The following GIPC1 variants were observed in gnomAD, a reference collection of about 807,000 sequenced individuals.
GIPC1 encodes PDZ domain-containing protein GIPC1.
Under a neutral mutation model 28.5 loss-of-function variants are expected in GIPC1, and 15 were observed. The observed-to-expected ratio is 0.53, with a 90% CI of 0.35 to 0.81. The LOEUF is 0.81. Among genes scored for constraint, GIPC1 ranks in the 30% least tolerant of loss-of-function variants. The pLI, the probability that GIPC1 is intolerant of heterozygous loss-of-function variation, is 0.01. For synonymous variants in GIPC1, 224 were observed against 206.1 expected (o/e 1.09, Z -0.74); for missense variants, 439 against 481.9 (o/e 0.91, Z 0.83).
chr19:14,484,154 T>C (rs548698801), intron 3 of GIPC1, among the ~76,000 whole-genome samples: 1 of 139,406 alleles, frequency 7.2e-6, no homozygotes, highest in African/African-American at 2.8e-5. Context: ...TTTTTGAGAC[T>C]GAGTCTCACT....
At position 14,478,860 on chromosome 19, in the gene GIPC1, G is replaced by A. The variant is rs903988694; in HGVS notation, c.769-95C>T. 1.6e-5 allele frequency: 15 copies of A among 946,952 alleles called. No homozygotes were observed. The highest frequency in any genetic ancestry group is 2.2e-4 in the Middle Eastern group (1 of 4,626). 58.7% of individuals were successfully genotyped at this position (946,952 alleles called of 1,614,324 possible). ...CATTGTCACCACTTTACATATATTC[G>A]TATTTAGACCTCAGGACAACCCTGA... On this transcript the variant is annotated intron_variant, in intron 7 of 8. Transcript: ENST00000393033. This position sits in a 1 kb window ranked among gnomAD's most constrained non-coding sequence, Gnocchi z 5.2.
chr19:14,486,951 CTCTT>C (rs2071858852), intron 3 of GIPC1, among the ~76,000 whole-genome samples: 1 of 151,626 alleles, frequency 6.6e-6, no homozygotes, highest in Non-Finnish European at 1.5e-5. Context: ...CTTTATTTCT[CTCTT>C]TCTCCATTCT....
chr19:14,488,669 G>C (rs1228806679), intron 3 of GIPC1, among the ~76,000 whole-genome samples: 1 of 151,548 alleles, frequency 6.6e-6, no homozygotes, highest in East Asian at 1.9e-4. Flanking sequence ...GCTGGGCGTA[G>C]TGGTGCATGC....
chr19:14,486,703 T>G (rs112557258), intron 3 of GIPC1, among the ~76,000 whole-genome samples: 2,394 of 133,362 alleles, frequency 0.018, 39 homozygotes, highest in African/African-American at 0.048. Context: ...TTTCTTGCTT[T>G]CTTTCTTTCT....
intron 3 of GIPC1, among the ~76,000 whole-genome samples, chr19:14,489,838 G>A (rs1408300969): frequency 6.6e-6 from 1 of 151,582 alleles, no homozygotes; most frequent in Non-Finnish European, 1.5e-5. Flanking sequence ...GATTTCAAAG[G>A]GTTTTATGTA....
In GIPC1 at chr19:14,496,048, C is replaced by T. The variant is rs868235859; in HGVS notation, c.-186G>A. ...CAGAGGCCACTCACCTGCTCCGCCG[C>T]CGCCGCCGCCGCCGCCGCCGCCGCC... is the stretch of plus-strand genomic sequence containing the variant. On this transcript the variant is annotated 5_prime_UTR_variant, in exon 1 of 9. Coordinates refer to ENST00000393033, the MANE Select transcript of GIPC1 (RefSeq NM_005716.4). 0.021 allele frequency: 5,022 copies of T among 241,104 alleles called. 94 individuals are homozygous for T. The highest frequency in any genetic ancestry group is 0.052 in the East Asian group (454 of 8,812). The allele number at this position is 241,104 out of a possible 1,614,324, so 14.9% of individuals were successfully genotyped here.
intron 2 of GIPC1, among the ~76,000 whole-genome samples, chr19:14,492,446 A>G (rs887144510): frequency 6.6e-6 from 1 of 151,912 alleles, no homozygotes; most frequent in African/African-American, 2.4e-5. Context: ...AGCTGGGACT[A>G]CAGGTGCCCG....
intron 5 of GIPC1, 52 bp from the exon 6 acceptor site, chr19:14,480,537 G>A: frequency 6.2e-7 from 1 of 1,604,432 alleles, no homozygotes; most frequent in South Asian, 1.1e-5. Flanking sequence ...GGTTTCCGGG[G>A]TCCCATGGCC....
chr19:14,480,943 G>A (rs1456818859), intron 4 of GIPC1, 165 bp from the exon 5 acceptor site: 7 of 602,798 alleles, frequency 1.2e-5, no homozygotes, highest in South Asian at 4.0e-5. Flanking sequence ...CCACATTAGC[G>A]TGTCAGCTCT....
rs1283176701 is a variant in GIPC1 at position 14,478,745 on chromosome 19, C to T, written c.789G>A (p.Lys263=). The change falls in exon 8 of 9, where the codon AAG becomes AAA. Residue 263 remains lysine, a synonymous_variant. Transcript: ENST00000393033. The surrounding 1 kb of genome is among the most constrained non-coding windows in gnomAD (Gnocchi z 5.2). ...GCAGGTCATCCACCTTCTCAATGGC[C>T]TTCTCTTCAAAGGCAGAGGGCTGGG... ...VEDLPSAFEE[K]AIEKVDDLLE... is the part of the protein sequence containing the mutation. The T allele has an allele frequency of 6.2e-7, 1 of 1,613,166 alleles. No homozygotes were observed. The highest frequency in any genetic ancestry group is 1.3e-5 in the African/African-American group (1 of 74,818).
At chr19:14,482,558 C>T in intron 4 of GIPC1, 131 bp downstream of exon 4, 1 of 898,518 alleles carries the variant, frequency 1.1e-6, no homozygotes, top group South Asian at 1.6e-5. Context: ...GCCATTGGCC[C>T]CCACCACTGA....
At chr19:14,482,023 C>G (rs2071740129) in intron 4 of GIPC1, 1 of 154,280 alleles carries the variant, frequency 6.5e-6, no homozygotes, top group Admixed American at 6.4e-5. Flanking sequence ...GCACTGGCCT[C>G]CCAATGCCTG....
chr19:14,494,165 G>C (rs1470351550), intron 1 of GIPC1, among the ~76,000 whole-genome samples: 1 of 152,084 alleles, frequency 6.6e-6, no homozygotes, highest in African/African-American at 2.4e-5. Flanking sequence ...TCACCATGTT[G>C]ATCAGGCTGG....
At chr19:14,489,659 T>C (rs2071923390) in intron 3 of GIPC1, 1 of 861,504 alleles carries the variant, frequency 1.2e-6, no homozygotes, top group Admixed American at 1.7e-5. Context: ...CCTCTCTCCA[T>C]AGGGCCTGTT....
chr19:14,479,517 GA>G lies in GIPC1; in HGVS notation c.662del (p.Ile221ThrfsTer145). 1 of 1,437,474 alleles carries G rather than the reference GA, an allele frequency of 7.0e-7. No homozygotes were observed. The highest frequency in any genetic ancestry group is 9.1e-7 in the Non-Finnish European group (1 of 1,096,080). The allele number at this position is 1,437,474 out of a possible 1,614,324, so 89.0% of individuals were successfully genotyped here. A position where few individuals can be genotyped will look rare whatever the true frequency, so the allele number is the denominator to read the frequency against. ...GGCGGCCACCCGCTGAACGCTGGCT[GA>G]TCATGTCTGTGGGAGGCAGGAGAGG... is the stretch of plus-strand genomic sequence containing the variant. ...LTEPRKAFDM[I>X]SQRSAGGRPG... On this transcript the variant is annotated frameshift_variant, in exon 7 of 9. Coordinates refer to ENST00000393033, the MANE Select transcript of GIPC1 (RefSeq NM_005716.4). LOFTEE classifies it high-confidence loss of function.
chr19:14,490,227 A>G (rs891767350), intron 3 of GIPC1, among the ~76,000 whole-genome samples: 3 of 151,998 alleles, frequency 2.0e-5, no homozygotes, highest in Non-Finnish European at 2.9e-5. Flanking sequence ...TAGGCCAGGC[A>G]CGGTGGTGGG....
intron 3 of GIPC1, among the ~76,000 whole-genome samples, chr19:14,485,684 A>AAAATAT (rs1203964161): frequency 1.1e-4 from 8 of 72,476 alleles, no homozygotes; most frequent in African/African-American, 4.2e-4. Context: ...TAAATAAACA[A>AAAATAT]ATATATATAT....
Position 14,480,576 on chromosome 19 carries a change from C to T in GIPC1, c.474+17G>A. On this transcript the variant is annotated intron_variant, in intron 5 of 8. Coordinates refer to ENST00000393033, the MANE Select transcript of GIPC1 (RefSeq NM_005716.4). ...CCTCACTCCCAGGCCTCCGGGGTGC[C>T]CCGTCTCCCCAGGCACCTTGATGAA... The T allele has an allele frequency of 1.9e-6, 3 of 1,611,578 alleles. No individual in the cohort carries two copies. Among genetic ancestry groups the T allele is most frequent in the Non-Finnish European group, 1.7e-6 (2 of 1,178,488 alleles).
intron 3 of GIPC1, among the ~76,000 whole-genome samples, chr19:14,484,380 C>A (rs2071793903): frequency 6.6e-6 from 1 of 151,678 alleles, no homozygotes; most frequent in Non-Finnish European, 1.5e-5. Flanking sequence ...AAGTGATCCG[C>A]CCACCTCAGC....
Sources: gnomAD v4.1 joint callset for allele counts (sites outside exome capture counted in the v4.1 genomes callset) on GRCh38, gnomAD v4.1.1 for gene constraint, Gnocchi (gnomAD v3.1) non-coding constraint, MANE v1.5 for transcripts, NCBI Gene and HGNC (gene_info 2026-07-23, HGNC 2026-07-21) for gene names.